The following ADGRE3 variants were observed in gnomAD, a reference collection of about 807,000 sequenced individuals.
ADGRE3 encodes EGF-like module receptor 3.
ADGRE3 carries 88 observed loss-of-function variants against 80.1 expected under a neutral mutation model. The observed-to-expected ratio is 1.10, with a 90% CI of 0.93 to 1.31. ADGRE3 has a LOEUF of 1.31. Among genes scored for constraint, ADGRE3 ranks in the 40% most tolerant of loss-of-function variants. ADGRE3 has a pLI of 0.00. For missense variants in ADGRE3, 715 were observed against 776.5 expected, an observed-to-expected ratio of 0.92 and a Z score of 0.94; for synonymous variants, 281 against 294.8, an observed-to-expected ratio of 0.95 and a Z score of 0.48.
rs1444975236 is a variant in ADGRE3 at position 14,651,162 on chromosome 19, C to T, written c.620G>A (p.Arg207Lys). ...TTGGACGTTCAAGTTGAATGTCTTT[C>T]TTTCTTCAGAGCAATTGTCTGTAAT... ...QAITDNCSEE[R>K]KTFNLNVQMN... Residue 207 changes from arginine to lysine, a missense_variant, in exon 7 of 16, where the codon AGA (arginine) becomes AAA (lysine). Transcript: ENST00000253673. 4 of 1,614,084 alleles carry T rather than the reference C, an allele frequency of 2.5e-6. No homozygotes were observed. The highest frequency in any genetic ancestry group is 3.4e-6 in the Non-Finnish European group (4 of 1,179,942).
At chr19:14,632,797 G>A (rs1970922845) in intron 13 of ADGRE3, 124 bp downstream of exon 13, 2 of 604,424 alleles carry the variant, frequency 3.3e-6, no homozygotes, top group Non-Finnish European at 6.1e-6. Context: ...TAACTGTGAT[G>A]GTGGAAGATT....
chr19:14,638,009 G>T, intron 11 of ADGRE3, 96 bp downstream of exon 11: 1 of 841,374 alleles, frequency 1.2e-6, no homozygotes, highest in Non-Finnish European at 2.0e-6. Context: ...AACGTAGAGT[G>T]CATTGGTTAC....
downstream of ADGRE3, among the ~76,000 whole-genome samples, chr19:14,615,752 T>C (rs2075071567): frequency 6.8e-6 from 1 of 146,824 alleles, no homozygotes; most frequent in African/African-American, 2.5e-5. Context: ...ACAGAGAGAC[T>C]CTGCTAAAAA....
the ADGRE3 span, chr19:14,600,247 C>A: frequency 4.4e-5 from 69 of 1,559,706 alleles, no homozygotes; most frequent in Non-Finnish European, 5.9e-5. Flanking sequence ...CCAGGATGCA[C>A]ACATCCCTCC....
chr19:14,658,468 G>C (rs1971839727), intron 5 of ADGRE3, 45 bp downstream of exon 5: 2 of 1,465,184 alleles, frequency 1.4e-6, no homozygotes, highest in Admixed American at 2.0e-5. Flanking sequence ...ATTTGTTACT[G>C]ATGTTTGTTA....
chr19:14,613,470 A>T, the ADGRE3 span, among the ~76,000 whole-genome samples: 1 of 151,802 alleles, frequency 6.6e-6, no homozygotes, highest in Non-Finnish European at 1.5e-5. Flanking sequence ...GTCTCAAACA[A>T]TCCTCCTGCT....
the ADGRE3 span, among the ~76,000 whole-genome samples, chr19:14,611,465 C>T: frequency 6.7e-6 from 1 of 149,974 alleles, no homozygotes; most frequent in African/African-American, 2.5e-5. Context: ...GCACCCTCTG[C>T]CTCCTGGGCT....
At chr19:14,651,330 G>T (rs1472445913) in intron 6 of ADGRE3, 126 bp from the exon 7 acceptor site, 21 of 1,057,594 alleles carry the variant, frequency 2.0e-5, no homozygotes, top group Non-Finnish European at 2.9e-5. Flanking sequence ...CAGAAGGATT[G>T]CTTGGGCCCA....
In ADGRE3 at chr19:14,636,161, C is replaced by T. The variant is rs1299158617; in HGVS notation, c.1484+1944G>A. ...TTCTTTCTTTCTTTCTTCCTTTCCT[C>T]CTTTCCTTTCCTTTCCTTCCTCTTT... On this transcript the variant is annotated intron_variant, in intron 11 of 15. Coordinates refer to ENST00000253673, the MANE Select transcript of ADGRE3 (RefSeq NM_032571.5). 8.6e-4 allele frequency among the ~76,000 whole-genome samples: 59 copies of T among 68,936 alleles called. 2 individuals carry two copies. Among genetic ancestry groups the T allele is most frequent in the East Asian group, 1.9e-3 (4 of 2,140 alleles). The allele number at this position is 68,936 out of a possible 152,430, so 45.2% of individuals were successfully genotyped here.
At chr19:14,671,137 A>G (rs552200543) in intron 1 of ADGRE3, among the ~76,000 whole-genome samples, 1 of 152,306 alleles carries the variant, frequency 6.6e-6, no homozygotes, top group African/African-American at 2.4e-5. Context: ...GCAGCAATCT[A>G]AATCCTTCTG....
In ADGRE3 at chr19:14,651,158, C is replaced by T. The variant is rs1206045843; in HGVS notation, c.624G>A (p.Lys208=). Residue 208 remains lysine (K), a synonymous_variant, in exon 7 of 16, where the codon AAG becomes AAA. Transcript: ENST00000253673. ...TCATTTGGACGTTCAAGTTGAATGT[C>T]TTTCTTTCTTCAGAGCAATTGTCTG... ...AITDNCSEER[K]TFNLNVQMNS... The T allele has an allele frequency of 1.2e-6, 2 of 1,613,980 alleles. No individual in the cohort carries two copies. Among genetic ancestry groups the T allele is most frequent in the African/African-American group, 2.7e-5 (2 of 74,926 alleles).
chr19:14,628,753 C>A (rs1293876341), intron 14 of ADGRE3: 7 of 334,732 alleles, frequency 2.1e-5, no homozygotes, highest in Non-Finnish European at 3.5e-5. Flanking sequence ...GCCAGTGTTA[C>A]AAGGAAGGCT....
rs1381835190 is a variant in ADGRE3, at chr19:14,641,433, G to A, written c.1234C>T (p.Arg412Ter). ...ACTGTCAGTACCTTGGGTTCAGTTC[G>A]ATCAATCCCCACGAGGAAGAGGAGG... ...AHLLFLVGIDRTEPKVLCSII... is the reference protein window; with the variant it reads ...AHLLFLVGID Residue 412 changes from arginine (R) to a stop codon, truncating the protein, a stop_gained, in exon 10 of 16, where the codon CGA becomes TGA. Coordinates refer to ENST00000253673, the MANE Select transcript of ADGRE3 (RefSeq NM_032571.5). LOFTEE classifies it high-confidence loss of function. 23 of 1,613,950 alleles carry A rather than the reference G, an allele frequency of 1.4e-5. No individual in the cohort carries two copies. Among genetic ancestry groups the A allele is most frequent in the African/African-American group, 2.7e-5 (2 of 74,888 alleles).
At chr19:14,622,182 C>T (rs1970619695) in intron 15 of ADGRE3, 1 of 1,016,220 alleles carries the variant, frequency 9.8e-7, no homozygotes, top group Non-Finnish European at 1.4e-6. Context: ...TTACAGACAC[C>T]ACACTCGCAG....
intron 15 of ADGRE3, among the ~76,000 whole-genome samples, chr19:14,624,506 A>G (rs1970683904): frequency 6.6e-6 from 1 of 152,064 alleles, no homozygotes; most frequent in African/African-American, 2.4e-5. Flanking sequence ...CTGTAATTTC[A>G]GCACTTTGGG....
chr19:14,659,837 A>AAAAAAAG (rs1971891528), intron 4 of ADGRE3, among the ~76,000 whole-genome samples: 1 of 150,714 alleles, frequency 6.6e-6, no homozygotes, highest in Admixed American at 6.6e-5. Flanking sequence ...AAAAAAAAAA[A>AAAAAAAG]AAAAAAAAAA....
At chr19:14,648,208 G>A (rs1289809994) in intron 7 of ADGRE3, among the ~76,000 whole-genome samples, 1 of 152,022 alleles carries the variant, frequency 6.6e-6, no homozygotes, top group Non-Finnish European at 1.5e-5. Flanking sequence ...TACAAAGGCT[G>A]TAGGTACGGT....
chr19:14,615,604 A>G (rs113850150), downstream of ADGRE3, among the ~76,000 whole-genome samples: 8,324 of 151,816 alleles, frequency 0.055, 269 homozygotes, highest in African/African-American at 0.084. Flanking sequence ...CTACTAAAAA[A>G]TACAAAAATT....
At chr19:14,664,386 G>A (rs375416238) in intron 2 of ADGRE3, among the ~76,000 whole-genome samples, 3 of 152,110 alleles carry the variant, frequency 2.0e-5, no homozygotes, top group East Asian at 1.9e-4. Context: ...GCAGTGAGCC[G>A]AGATCGCGCC....
Sources: allele counts gnomAD v4.1 joint callset (sites outside exome capture counted in the v4.1 genomes callset), GRCh38; gene constraint gnomAD v4.1.1; transcripts MANE v1.5; gene names NCBI Gene and HGNC (gene_info 2026-07-23, HGNC 2026-07-21).